PGBD5: variants seen among roughly 807,000 people sequenced by gnomAD.
The protein encoded by PGBD5 is piggyBac transposable element derived 5.
In PGBD5, 14 loss-of-function variants were observed where a neutral mutation model predicts 47.9. The ratio of observed to expected loss-of-function variants is 0.29; its 90% CI spans 0.19 to 0.46. The LOEUF (loss-of-function observed/expected upper bound fraction) is 0.46. PGBD5 is among the 20% of genes least tolerant of loss of function. The probability of loss-of-function intolerance (pLI) is 1.00; values close to 1 mark genes in which losing one functional copy is unlikely to be tolerated. For missense variants in PGBD5, 635 were observed against 716.0 expected (o/e 0.89, Z 1.29); for synonymous variants, 316 against 306.3 (o/e 1.03, Z -0.33).
chr1:230,415,297 TAAGA>T (rs1657490939), intron 1 of PGBD5, among the ~76,000 whole-genome samples: 1 of 150,962 alleles, frequency 6.6e-6, no homozygotes, highest in South Asian at 2.1e-4. Flanking sequence ...AGTGCTCAAA[TAAGA>T]AAGATGCCCA....
chr1:230,339,944 A>G (rs1667385523), intron 3 of PGBD5, among the ~76,000 whole-genome samples: 1 of 152,182 alleles, frequency 6.6e-6, no homozygotes, highest in Non-Finnish European at 1.5e-5. Context: ...ACTAAAGTTA[A>G]TAACAATATA....
intron 1 of PGBD5, among the ~76,000 whole-genome samples, chr1:230,380,610 G>A (rs1476733159): frequency 6.6e-6 from 1 of 152,218 alleles, no homozygotes; most frequent in African/African-American, 2.4e-5. Flanking sequence ...GAAAGGAGAT[G>A]CAAGGTACTA....
Position 230,323,469 on chromosome 1 carries a change from C to A in PGBD5, c.1531G>T (p.Val511Phe). The change falls in exon 7 of 7, where the codon GTC becomes TTC. Residue 511 changes from valine to phenylalanine, a missense_variant. By Grantham distance (50) the Val-to-Phe change is conservative (BLOSUM62 -1). Transcript: ENST00000391860. This position sits in a 1 kb window ranked among gnomAD's most constrained non-coding sequence, Gnocchi z 4.1. Reference sequence around the variant, plus strand: ...TCCTCCAAGCCCAGCAGCTCTCTGACGAGTCTCTCTCCAAACTGCGCCCGG... The same window carrying A: ...TCCTCCAAGCCCAGCAGCTCTCTGAAGAGTCTCTCTCCAAACTGCGCCCGG... ...YSRAQFGERL[V>F]RELLGLEDAS... 1.9e-6 allele frequency: 3 copies of A among 1,614,116 alleles called. No individual in the cohort carries two copies. The highest frequency in any genetic ancestry group is 1.7e-6 in the Non-Finnish European group (2 of 1,180,010).
chr1:230,403,439 G>A (rs1044278693), intron 1 of PGBD5, among the ~76,000 whole-genome samples: 4 of 152,218 alleles, frequency 2.6e-5, no homozygotes, highest in Non-Finnish European at 4.4e-5. Flanking sequence ...GTGGCTGGGT[G>A]CACTCAGTGT....
At chr1:230,369,999 C>T (rs1034697975) in intron 1 of PGBD5, among the ~76,000 whole-genome samples, 1 of 152,176 alleles carries the variant, frequency 6.6e-6, no homozygotes, top group Admixed American at 6.5e-5. Flanking sequence ...CGCCCAGGGG[C>T]AAATAAGTGA....
chr1:230,382,334 T>C (rs1030352875), intron 1 of PGBD5, among the ~76,000 whole-genome samples: 1 of 152,236 alleles, frequency 6.6e-6, no homozygotes, highest in African/African-American at 2.4e-5. Flanking sequence ...GACATCCTAA[T>C]GATGGAATTT....
At chr1:230,365,926 C>T (rs1462247896) in intron 1 of PGBD5, among the ~76,000 whole-genome samples, 1 of 152,248 alleles carries the variant, frequency 6.6e-6, no homozygotes, top group East Asian at 1.9e-4. Context: ...AGATCTGGGA[C>T]TCAATGTAAA....
intron 1 of PGBD5, among the ~76,000 whole-genome samples, chr1:230,403,040 T>A (rs1419602242): frequency 6.6e-6 from 1 of 152,198 alleles, no homozygotes; most frequent in Non-Finnish European, 1.5e-5. Context: ...TGTGTAATTG[T>A]GAGGTCGTTA....
intron 1 of PGBD5, among the ~76,000 whole-genome samples, chr1:230,380,651 G>A (rs975901455): frequency 1.1e-4 from 17 of 152,184 alleles, no homozygotes; most frequent in Non-Finnish European, 2.4e-4. Context: ...TGGCTTTAGG[G>A]TTTCCAAAGA....
At chr1:230,404,164 G>A (rs1322555909) in intron 1 of PGBD5, among the ~76,000 whole-genome samples, 1 of 152,100 alleles carries the variant, frequency 6.6e-6, no homozygotes, top group Non-Finnish European at 1.5e-5. Context: ...GAGGAAAAGG[G>A]ACGGATGAAC....
chr1:230,361,120 G>A (rs577958324), intron 1 of PGBD5, among the ~76,000 whole-genome samples: 7 of 152,226 alleles, frequency 4.6e-5, no homozygotes, highest in Admixed American at 1.3e-4. Flanking sequence ...ACCTACATAC[G>A]ACTGAAGTCA....
chr1:230,368,667 T>C (rs939123104), intron 1 of PGBD5, among the ~76,000 whole-genome samples: 2 of 152,068 alleles, frequency 1.3e-5, no homozygotes, highest in Non-Finnish European at 2.9e-5. Context: ...TGCTAGAAAA[T>C]GCTGAGGGAG....
intron 1 of PGBD5, among the ~76,000 whole-genome samples, chr1:230,372,352 A>C (rs899552704): frequency 1.3e-5 from 2 of 152,242 alleles, no homozygotes; most frequent in Non-Finnish European, 2.9e-5. Context: ...GTTGCAAAGC[A>C]TAACACAACC....
intron 5 of PGBD5, among the ~76,000 whole-genome samples, chr1:230,327,508 T>C (rs1667140128): frequency 6.6e-6 from 1 of 152,240 alleles, no homozygotes; most frequent in Admixed American, 6.5e-5. Context: ...TGCCAAGGCC[T>C]GCCCTAGAGA....
In PGBD5 at chr1:230,316,043, T is replaced by C. The variant is rs1450682507; in HGVS notation, c.*7382A>G. The C allele has an allele frequency of 7.2e-6, 1 of 139,600 alleles. No homozygotes were observed. Among genetic ancestry groups the C allele is most frequent in the Non-Finnish European group, 1.6e-5 (1 of 64,012 alleles). 8.6% of individuals were successfully genotyped at this position (139,600 alleles called of 1,614,324 possible). On this transcript the variant is annotated 3_prime_UTR_variant, in exon 7 of 7. Coordinates refer to ENST00000391860, the MANE Select transcript of PGBD5 (RefSeq NM_001258311.2). ...GTATGTGTATACATACATAAGTATA[T>C]GTGTACACATATATGTATGTGTATA...
At chr1:230,333,081 T>C in intron 4 of PGBD5, 40 bp from the exon 5 acceptor site, 2 of 1,551,802 alleles carry the variant, frequency 1.3e-6, no homozygotes, top group Non-Finnish European at 1.7e-6. Flanking sequence ...CTCACCACCA[T>C]CGGAGATGCC....
chr1:230,422,287 G>C (rs533405209), intron 1 of PGBD5, among the ~76,000 whole-genome samples: 2 of 152,042 alleles, frequency 1.3e-5, no homozygotes, highest in African/African-American at 4.8e-5. Flanking sequence ...TCCGAGAAAC[G>C]AATCACAAGA....
In PGBD5 at chr1:230,318,967, CATA is replaced by C. The variant is rs1666992773; in HGVS notation, c.*4455_*4457del. ...AGGGGGAGGGTGATGTCCCGGATCT[CATA>C]ATGATTGTTTTCAGTATTCGGATCA... On this transcript the variant is annotated 3_prime_UTR_variant, in exon 7 of 7. Coordinates refer to ENST00000391860, the MANE Select transcript of PGBD5 (RefSeq NM_001258311.2). 6.6e-6 allele frequency: 1 copy of C among 152,200 alleles called. No individual in the cohort carries two copies. The highest frequency in any genetic ancestry group is 1.5e-5 in the Non-Finnish European group (1 of 68,062). 9.4% of individuals were successfully genotyped at this position (152,200 alleles called of 1,614,324 possible).
At chr1:230,384,343 G>A (rs1656585938) in intron 1 of PGBD5, among the ~76,000 whole-genome samples, 1 of 152,140 alleles carries the variant, frequency 6.6e-6, no homozygotes, top group African/African-American at 2.4e-5. Flanking sequence ...GAGGAGATCT[G>A]AGGGATGTAT....
Sources: gnomAD v4.1 joint callset for allele counts (sites outside exome capture counted in the v4.1 genomes callset) on GRCh38, gnomAD v4.1.1 for gene constraint, Gnocchi (gnomAD v3.1) non-coding constraint, MANE v1.5 for transcripts, NCBI Gene and HGNC (gene_info 2026-07-23, HGNC 2026-07-21) for gene names.